Variants in TG observed in about 807,000 individuals in gnomAD.
TG encodes the protein thyroid hormones.
TG carries 270 observed loss-of-function variants against 324.7 expected under a neutral mutation model. The observed-to-expected ratio is 0.83, with a 90% confidence interval of 0.75 to 0.92. The LOEUF is 0.92. Among genes scored for constraint, TG ranks in the 40% least tolerant of loss-of-function variants. The pLI is 0.00. For synonymous variants in TG, 1,401 were observed against 1,327.0 expected, an observed-to-expected ratio of 1.06 and a Z score of -1.21; for missense variants, 3,591 against 3,456.4, an observed-to-expected ratio of 1.04 and a Z score of -0.98.
intron 16 of TG, among the ~76,000 whole-genome samples, chr8:132,902,099 T>A (rs1437341631): frequency 1.3e-5 from 2 of 152,190 alleles, no homozygotes; most frequent in Admixed American, 1.3e-4. Context: ...TCACAGGACA[T>A]CACAGTCATT....
At chr8:132,874,862 T>A (rs1023457254) in intron 5 of TG, among the ~76,000 whole-genome samples, 1 of 152,160 alleles carries the variant, frequency 6.6e-6, no homozygotes, top group Non-Finnish European at 1.5e-5. Context: ...GACACTGGCT[T>A]TACTGCTCTT....
chr8:133,023,046 C>T (rs1274064010), intron 40 of TG, among the ~76,000 whole-genome samples: 1 of 152,134 alleles, frequency 6.6e-6, no homozygotes, highest in Non-Finnish European at 1.5e-5. Context: ...CTCTGTTTCC[C>T]AAGGGTCTCA....
chr8:133,000,007 A>G (rs995007477), intron 35 of TG, among the ~76,000 whole-genome samples: 1 of 152,096 alleles, frequency 6.6e-6, no homozygotes, highest in African/African-American at 2.4e-5. Flanking sequence ...ACTACTATTA[A>G]CATTCACTCT....
At chr8:133,004,440 G>A (rs1337931240) in intron 35 of TG, among the ~76,000 whole-genome samples, 1 of 152,150 alleles carries the variant, frequency 6.6e-6, no homozygotes, top group Non-Finnish European at 1.5e-5. Flanking sequence ...GGCTGCCTCT[G>A]TAACCTTGGG....
chr8:133,126,911 T>TA lies in TG; in HGVS notation c.7863-4893dup, dbSNP rs972713034. Among the ~76,000 whole-genome samples the TA allele has an allele frequency of 1.6e-4, 24 of 151,784 alleles. No homozygotes were observed. The East Asian group carries it at 2.3e-3, about 15-fold the overall frequency. On this transcript the variant is annotated intron_variant, in intron 45 of 47. Coordinates refer to ENST00000220616, the MANE Select transcript of TG (RefSeq NM_003235.5). ...TATGGAGAAAGATGCTGGCTGGGGA[T>TA]AAAAAAAAGGGAGTATATTTTATGG...
At chr8:133,094,246 T>TTC (rs1423016289) in intron 41 of TG, among the ~76,000 whole-genome samples, 9 of 147,572 alleles carry the variant, frequency 6.1e-5, no homozygotes, top group Admixed American at 4.0e-4. Context: ...CGTTTTCTTT[T>TTC]TTTTTTTTTT....
intron 41 of TG, chr8:133,046,353 A>G (rs940886000): frequency 3.3e-5 from 5 of 152,280 alleles, no homozygotes; most frequent in East Asian, 3.8e-4. Context: ...TAGAGCCCCT[A>G]TGGGATATGG....
chr8:132,935,811 A>C lies in TG; in HGVS notation c.4988A>C (p.Gln1663Pro). 6.2e-7 allele frequency: 1 copy of C among 1,612,908 alleles called. No individual in the cohort carries two copies. Among genetic ancestry groups the C allele is most frequent in the Non-Finnish European group, 8.5e-7 (1 of 1,180,030 alleles). Residue 1663 changes from glutamine to proline, a missense_variant, in exon 25 of 48, where the codon CAG becomes CCG. Gln to Pro is a moderately conservative substitution (Grantham distance 76). Coordinates refer to ENST00000220616, the MANE Select transcript of TG (RefSeq NM_003235.5). ...ACCAGCTTTGGAAGTCTTCGCTGCC[A>C]GGTGAAAGTGAGGAGCCATGGTCAA... The part of the protein sequence containing the change: ...KATSFGSLRC[Q>P]VKVRSHGQDS...
Position 133,131,905 on chromosome 8 carries a change from G to A in TG, c.7956G>A (p.Ser2652=), listed in dbSNP as rs367550488. The A allele has an allele frequency of 4.2e-5, 68 of 1,614,118 alleles. No individual in the cohort carries two copies. The highest frequency in any genetic ancestry group is 9.3e-5 in the African/African-American group (7 of 75,012). ...TTTCTCTGGAGGAGAAGAGCCTGTC[G>A]CTGAAAATCATGCAGTACTTTTCCC... ...GQFSLEEKSL[S]LKIMQYFSHF... Residue 2652 remains serine (S), a synonymous_variant, in exon 46 of 48, where the codon TCG becomes TCA. Coordinates refer to ENST00000220616, the MANE Select transcript of TG (RefSeq NM_003235.5).
At chr8:132,961,708 G>A (rs944359044) in intron 28 of TG, among the ~76,000 whole-genome samples, 2 of 152,188 alleles carry the variant, frequency 1.3e-5, no homozygotes, top group African/African-American at 2.4e-5. Flanking sequence ...TCAGGAGGGA[G>A]CAGATAGAGC....
chr8:133,112,958 G>A (rs1850384272), intron 43 of TG, among the ~76,000 whole-genome samples: 3 of 152,158 alleles, frequency 2.0e-5, no homozygotes, highest in Non-Finnish European at 4.4e-5. Flanking sequence ...TGTGCATGAA[G>A]CATTCATATG....
chr8:133,067,168 C>G (rs373723304), intron 41 of TG, among the ~76,000 whole-genome samples: 46 of 152,256 alleles, frequency 3.0e-4, no homozygotes, highest in African/African-American at 1.1e-3. Flanking sequence ...CACATCCTGA[C>G]CTCACTTCAC....
intron 41 of TG, among the ~76,000 whole-genome samples, chr8:133,067,142 T>A (rs1249406947): frequency 6.6e-6 from 1 of 151,800 alleles, no homozygotes; most frequent in African/African-American, 2.4e-5. Flanking sequence ...CTGGCAGGAT[T>A]TCCGGGGTCA....
chr8:132,961,026 G>A lies in TG; in HGVS notation c.5420G>A (p.Gly1807Glu). The A allele has an allele frequency of 6.2e-7, 1 of 1,614,038 alleles. No homozygotes were observed. The highest frequency in any genetic ancestry group is 2.2e-5 in the East Asian group (1 of 44,876). ...TTTGCAGGTCTGACACCCTTAGAAGGAACTCAAGACACCTTTACCAATTTT... is the reference window on the plus strand; with the variant it reads ...TTTGCAGGTCTGACACCCTTAGAAGAAACTCAAGACACCTTTACCAATTTT... ...EFIKSLTPLE[G>E]TQDTFTNFQQ... Residue 1807 changes from glycine to glutamate, a missense_variant, in exon 28 of 48, where the codon GGA becomes GAA. By Grantham distance (98) the Gly-to-Glu change is moderately conservative. Transcript: ENST00000220616.
chr8:132,870,116 GA>G (rs1839344410), intron 3 of TG, among the ~76,000 whole-genome samples: 1 of 152,102 alleles, frequency 6.6e-6, no homozygotes, highest in Admixed American at 6.5e-5. Flanking sequence ...ATCAGAAAGT[GA>G]CCAGAAAAAT....
intron 37 of TG, among the ~76,000 whole-genome samples, chr8:133,017,207 G>A (rs921519516): frequency 2.6e-5 from 4 of 151,560 alleles, no homozygotes; most frequent in Non-Finnish European, 5.9e-5. Context: ...AGATGTAAAT[G>A]TGGGCCTGCA....
chr8:132,904,718 C>T (rs1818422241), intron 16 of TG, among the ~76,000 whole-genome samples: 1 of 152,048 alleles, frequency 6.6e-6, no homozygotes, highest in South Asian at 2.1e-4. Flanking sequence ...ACTCACTGGC[C>T]CACTTCCAAA....
intron 43 of TG, chr8:133,102,739 G>A: frequency 1.6e-6 from 1 of 628,556 alleles, no homozygotes; most frequent in South Asian, 1.8e-5. Flanking sequence ...TCATTTGCAT[G>A]ATCAAAAGCA....
chr8:133,027,088 T>C (rs1836165558), intron 40 of TG, among the ~76,000 whole-genome samples: 1 of 152,148 alleles, frequency 6.6e-6, no homozygotes, highest in Non-Finnish European at 1.5e-5. Context: ...GCTGGTGTGG[T>C]TCCATGGCCA....
Sources: gnomAD v4.1 joint callset for allele counts (sites outside exome capture counted in the v4.1 genomes callset) on GRCh38, gnomAD v4.1.1 for gene constraint, MANE v1.5 for transcripts, NCBI Gene and HGNC (gene_info 2026-07-23, HGNC 2026-07-21) for gene names.